The following MAB21L4 variants were observed in gnomAD, a reference collection of about 807,000 sequenced individuals.
The protein encoded by MAB21L4 is protein mab-21-like 4.
MAB21L4 carries 25 observed loss-of-function variants against 32.4 expected under a neutral mutation model. The observed-to-expected ratio is 0.77, with a 90% CI of 0.56 to 1.08. MAB21L4 has a LOEUF of 1.08. Ranked by LOEUF, MAB21L4 falls within the 50% of genes least tolerant of loss-of-function variation. The pLI, the probability that MAB21L4 is intolerant of heterozygous loss-of-function variation, is 0.00. For synonymous variants in MAB21L4, 280 were observed against 276.8 expected (o/e 1.01, Z -0.11); for missense variants, 638 against 611.0 (o/e 1.04, Z -0.47).
chr2:240,892,054 C>T (rs6709742), intron 1 of MAB21L4: 723,843 of 1,457,194 alleles, frequency 0.5, 183,084 homozygotes, highest in African/African-American at 0.73. Flanking sequence ...CAGCGTCCTA[C>T]ATGAGGTTTT....
chr2:240,895,027 G>A (rs1456773676), intron 1 of MAB21L4, among the ~76,000 whole-genome samples: 1 of 152,216 alleles, frequency 6.6e-6, no homozygotes, highest in Non-Finnish European at 1.5e-5. Context: ...ATCAGACACT[G>A]GAAGTGGGCA....
At chr2:240,892,048 G>T in intron 1 of MAB21L4, 1 of 1,468,934 alleles carries the variant, frequency 6.8e-7, no homozygotes. Context: ...TGACAGCAGC[G>T]TCCTACATGA....
Position 240,895,924 on chromosome 2 carries a change from A to G in MAB21L4, c.74T>C (p.Ile25Thr). Residue 25 changes from isoleucine to threonine, a missense_variant, in exon 1 of 5, where the codon ATC (isoleucine) becomes ACC (threonine). Physicochemically the swap from Ile to Thr is moderately conservative, Grantham distance 89 (BLOSUM62 -1). Transcript: ENST00000388934. ...GGCACGCGGCGCCTCCCGGGACCGG[A>G]TGGCCTGCAGGTAGTGGTGCCACAG... Reference protein sequence around the residue: ...VPLWHHYLQAIRSREAPRAQD... With the variant: ...VPLWHHYLQATRSREAPRAQD... 1 of 1,509,834 alleles carries G rather than the reference A, an allele frequency of 6.6e-7. No homozygotes were observed. Among genetic ancestry groups the G allele is most frequent in the Non-Finnish European group, 8.8e-7 (1 of 1,130,280 alleles). 93.5% of individuals were successfully genotyped at this position (1,509,834 alleles called of 1,614,324 possible). A position where few individuals can be genotyped will look rare whatever the true frequency, so the allele number is the denominator to read the frequency against.
intron 4 of MAB21L4, among the ~76,000 whole-genome samples, chr2:240,887,435 A>AC (rs901569920): frequency 6.6e-6 from 1 of 152,206 alleles, no homozygotes; most frequent in African/African-American, 2.4e-5. Context: ...GCCTCCGGTG[A>AC]CCACCCCACC....
chr2:240,894,462 C>T (rs6718540), intron 1 of MAB21L4, among the ~76,000 whole-genome samples: 82,070 of 152,054 alleles, frequency 0.54, 23,323 homozygotes, highest in African/African-American at 0.73. Flanking sequence ...CAGGCAGCCC[C>T]TGCTGAAGGA....
rs778707581 is a variant in MAB21L4, at chr2:240,895,915, C to A, written c.83G>T (p.Arg28Leu). The change falls in exon 1 of 5, where the codon CGG becomes CTG. Residue 28 changes from arginine to leucine, a missense_variant. Physicochemically the swap from Arg to Leu is moderately radical, Grantham distance 102 (BLOSUM62 -2). Coordinates refer to ENST00000388934, the MANE Select transcript of MAB21L4 (RefSeq NM_001085437.3). ...GAAGTCCTGGGCACGCGGCGCCTCC[C>A]GGGACCGGATGGCCTGCAGGTAGTG... ...WHHYLQAIRS[R>L]EAPRAQDFQR... 2 of 1,517,030 alleles carry A rather than the reference C, an allele frequency of 1.3e-6. No individual in the cohort carries two copies. The highest frequency in any genetic ancestry group is 2.3e-5 in the East Asian group (1 of 43,558). 94.0% of individuals were successfully genotyped at this position (1,517,030 alleles called of 1,614,324 possible). A position where few individuals can be genotyped will look rare whatever the true frequency, so the allele number is the denominator to read the frequency against.
At chr2:240,892,562 GGCCACC>G (rs1559579126) in intron 1 of MAB21L4, among the ~76,000 whole-genome samples, 3 of 152,026 alleles carry the variant, frequency 2.0e-5, no homozygotes. Context: ...GAGCCAGCTC[GGCCACC>G]GCCGTTTCTG....
Position 240,895,678 on chromosome 2 carries a change from T to C in MAB21L4, c.320A>G (p.Glu107Gly). 6.2e-7 allele frequency: 1 copy of C among 1,612,874 alleles called. No homozygotes were observed. The highest frequency in any genetic ancestry group is 8.5e-7 in the Non-Finnish European group (1 of 1,179,996). Residue 107 changes from glutamate (E) to glycine (G), a missense_variant, in exon 1 of 5, where the codon GAA becomes GGA. By Grantham distance (98) the Glu-to-Gly change is moderately conservative (BLOSUM62 -2). Transcript: ENST00000388934. ...CCTGGGCACACCCAGGTGGCATAAT[T>C]CAAGGCCATCCTCCGGCTGGGTGGC... ...PEATQPEDGL[E>G]LCHLGVPREG...
At position 240,891,714 on chromosome 2, in the gene MAB21L4, C is replaced by G; in HGVS notation, c.564G>C (p.Leu188Phe). The change falls in exon 2 of 5, where the codon TTG (leucine) becomes TTC (phenylalanine). Residue 188 changes from leucine (L) to phenylalanine (F), a missense_variant. Coordinates refer to ENST00000388934, the MANE Select transcript of MAB21L4 (RefSeq NM_001085437.3). ...TTGTTCTCCAGCCGCTGGACACCAG[C>G]AAGGACAGGTGGAGCTGCTCCTCCC... ...SLREEQLHLS[L>F]LVSSGWRTIS... 1 of 1,610,068 alleles carries G rather than the reference C, an allele frequency of 6.2e-7. No homozygotes were observed. Among genetic ancestry groups the G allele is most frequent in the Non-Finnish European group, 8.5e-7 (1 of 1,179,944 alleles).
At position 240,888,437 on chromosome 2, in the gene MAB21L4, G is replaced by C; in HGVS notation, c.1106C>G (p.Pro369Arg). The C allele has an allele frequency of 1.3e-6, 2 of 1,566,374 alleles. No individual in the cohort carries two copies. Among genetic ancestry groups the C allele is most frequent in the Non-Finnish European group, 1.7e-6 (2 of 1,158,886 alleles). Residue 369 changes from proline (P) to arginine (R), a missense_variant, in exon 4 of 5, where the codon CCC becomes CGC. Transcript: ENST00000388934. ...GGCGTGGATGCGCAGGGCCGCCTCG[G>C]GCTGGCTGGCGAAGCCCTCCACGCG... ...YQRVEGFASQPEAALRIHATH... is the reference protein window; with the variant it reads ...YQRVEGFASQREAALRIHATH...
intron 2 of MAB21L4, 136 bp from the exon 3 acceptor site, chr2:240,890,294 C>G: frequency 3.6e-6 from 4 of 1,103,962 alleles, no homozygotes; most frequent in Non-Finnish European, 5.0e-6. Flanking sequence ...CCAGCCGGAA[C>G]CCAGGCTTCT....
chr2:240,896,267 G>C (rs1274055746), upstream of MAB21L4: 3 of 780,502 alleles, frequency 3.8e-6, no homozygotes, highest in East Asian at 1.1e-4. Flanking sequence ...GGCTGGGTTT[G>C]GTTACCACCC....
chr2:240,896,268 G>A (rs1204319727), upstream of MAB21L4: 4 of 756,304 alleles, frequency 5.3e-6, no homozygotes, highest in East Asian at 7.4e-5. Context: ...GCTGGGTTTG[G>A]TTACCACCCT....
chr2:240,888,280 G>A lies in MAB21L4; in HGVS notation c.1251+12C>T. 1 of 1,531,282 alleles carries A rather than the reference G, an allele frequency of 6.5e-7. No individual in the cohort carries two copies. 94.9% of individuals were successfully genotyped at this position (1,531,282 alleles called of 1,614,324 possible). On this transcript the variant is annotated intron_variant, in intron 4 of 4. Coordinates refer to ENST00000388934, the MANE Select transcript of MAB21L4 (RefSeq NM_001085437.3). ...CCCGGGCCTGCCCAAGGCCCCCGCA[G>A]CCAGCACCCACCTTGTCCAGCAGGA...
rs199958392 is a variant in MAB21L4 at position 240,891,602 on chromosome 2, C to A, written c.676G>T (p.Gly226Cys). 9 of 1,610,280 alleles carry A rather than the reference C, an allele frequency of 5.6e-6. No individual in the cohort carries two copies. The African/African-American group carries it at 1.2e-4, about 21-fold the overall frequency. The change falls in exon 2 of 5, where the codon GGC becomes TGC. Residue 226 changes from glycine to cysteine, a missense_variant. Gly to Cys is a radical substitution (Grantham distance 159). Transcript: ENST00000388934. ...GVQQMPGFPEGSLRRILSQGV... is the reference protein window; with the variant it reads ...GVQQMPGFPECSLRRILSQGV... ...TGGCTGAGGATCCTTCTCAAGCTGC[C>A]CTCAGGGAATCCGGGCATCTGCTGC... is the stretch of plus-strand genomic sequence containing the variant.
intron 1 of MAB21L4, among the ~76,000 whole-genome samples, chr2:240,894,666 G>A (rs374926923): frequency 1.2e-4 from 18 of 152,194 alleles, no homozygotes; most frequent in African/African-American, 3.4e-4. Context: ...TTAGCTAGGC[G>A]TGGTAGCCCA....
intron 2 of MAB21L4, among the ~76,000 whole-genome samples, chr2:240,891,178 C>T (rs2059145731): frequency 6.6e-6 from 1 of 152,182 alleles, no homozygotes; most frequent in Non-Finnish European, 1.5e-5. Context: ...TGTGGGAACC[C>T]TCTCAGCTTC....
chr2:240,893,924 G>A (rs955730325), intron 1 of MAB21L4, among the ~76,000 whole-genome samples: 2 of 151,976 alleles, frequency 1.3e-5, no homozygotes, highest in African/African-American at 4.8e-5. Context: ...AGAAGATGCT[G>A]GAGCAGGAAG....
At position 240,888,276 on chromosome 2, in the gene MAB21L4, C is replaced by T. The variant is rs764921067; in HGVS notation, c.1251+16G>A. 6.0e-5 allele frequency: 91 copies of T among 1,520,972 alleles called. No homozygotes were observed. Among genetic ancestry groups the T allele is most frequent in the East Asian group, 9.4e-5 (4 of 42,600 alleles). The allele number at this position is 1,520,972 out of a possible 1,614,324, so 94.2% of individuals were successfully genotyped here. A position where few individuals can be genotyped will look rare whatever the true frequency, so the allele number is the denominator to read the frequency against. On this transcript the variant is annotated intron_variant, in intron 4 of 4. Transcript: ENST00000388934. ...TGCCCCCGGGCCTGCCCAAGGCCCC[C>T]GCAGCCAGCACCCACCTTGTCCAGC...
Sources: allele counts gnomAD v4.1 joint callset (sites outside exome capture counted in the v4.1 genomes callset), GRCh38; gene constraint gnomAD v4.1.1; transcripts MANE v1.5; gene names NCBI Gene and HGNC (gene_info 2026-07-23, HGNC 2026-07-21).